Variants in KCNS3 observed in about 807,000 individuals in gnomAD.
KCNS3 encodes potassium voltage-gated channel modifier subfamily S member 3.
Under a neutral mutation model 31.0 loss-of-function variants are expected in KCNS3, and 13 were observed. The observed-to-expected ratio is 0.42, with a 90% CI of 0.27 to 0.67. The LOEUF is 0.67. KCNS3 is among the 30% of genes least tolerant of loss of function. KCNS3 has a pLI of 0.25. For synonymous variants in KCNS3, 238 were observed against 241.5 expected (o/e 0.99, Z 0.13); for missense variants, 545 against 622.4 (o/e 0.88, Z 1.32).
chr2:17,882,181 A>G (rs1355830778), intron 1 of KCNS3, among the ~76,000 whole-genome samples: 1 of 152,188 alleles, frequency 6.6e-6, no homozygotes, highest in Non-Finnish European at 1.5e-5. Flanking sequence ...TTGAACTTAT[A>G]GTGGATCTGG....
chr2:17,917,042 T>G lies in KCNS3; in HGVS notation c.-251-638T>G, dbSNP rs78197279. 3.9e-5 allele frequency among the ~76,000 whole-genome samples: 6 copies of G among 152,274 alleles called. No homozygotes were observed. The East Asian group carries it at 1.2e-3, about 29-fold the overall frequency. On this transcript the variant is annotated intron_variant, in intron 1 of 2. Transcript: ENST00000304101. ...TTAAAATTTATTCAGAGAGAGAAAC[T>G]GAAATTTGGCTTTTTATTTGTTGTG... is the stretch of plus-strand genomic sequence containing the variant.
chr2:17,925,361 A>G (rs533542681), intron 2 of KCNS3, among the ~76,000 whole-genome samples: 1 of 152,336 alleles, frequency 6.6e-6, no homozygotes, highest in South Asian at 2.1e-4. Flanking sequence ...TGGAGGCTTC[A>G]TCTGCATGAT....
chr2:17,912,224 T>C (rs1303892427), intron 1 of KCNS3, among the ~76,000 whole-genome samples: 5 of 152,244 alleles, frequency 3.3e-5, no homozygotes, highest in African/African-American at 7.2e-5. Flanking sequence ...TGATACACAT[T>C]GCTATGATGT....
At chr2:17,908,223 C>T (rs1413596698) in intron 1 of KCNS3, among the ~76,000 whole-genome samples, 1 of 152,240 alleles carries the variant, frequency 6.6e-6, no homozygotes, top group African/African-American at 2.4e-5. Flanking sequence ...TCTTCAATCA[C>T]TGATACCCTT....
rs1393659676 is a variant in KCNS3 at position 17,904,374 on chromosome 2, A to G, written c.-251-13306A>G. Among the ~76,000 whole-genome samples, 14 of 152,170 alleles carry G rather than the reference A, an allele frequency of 9.2e-5. No homozygotes were observed. In the East Asian group the frequency reaches 2.3e-3, roughly 25 times the overall value. On this transcript the variant is annotated intron_variant, in intron 1 of 2. Coordinates refer to ENST00000304101, the MANE Select transcript of KCNS3 (RefSeq NM_002252.5). ...CTGGATATTAGCCCTTTGTCAGATG[A>G]GTAGATTGCAAAAATGTTCTCCCAT...
At chr2:17,884,268 A>AATATATATATATATATAT (rs1227638443) in intron 1 of KCNS3, among the ~76,000 whole-genome samples, 16 of 46,646 alleles carry the variant, frequency 3.4e-4, no homozygotes, top group Non-Finnish European at 4.4e-4. Flanking sequence ...AAAAAAAAAA[A>AATATATATATATATATAT]ATATATATAT....
At chr2:17,911,776 G>A (rs539046404) in intron 1 of KCNS3, among the ~76,000 whole-genome samples, 2 of 152,344 alleles carry the variant, frequency 1.3e-5, no homozygotes, top group African/African-American at 4.8e-5. Flanking sequence ...CTAAGAGAAT[G>A]GCTTTGAAGA....
chr2:17,916,784 A>T (rs184045024), intron 1 of KCNS3, among the ~76,000 whole-genome samples: 1 of 151,936 alleles, frequency 6.6e-6, no homozygotes, highest in East Asian at 1.9e-4. Context: ...GCAGATCATA[A>T]ACCACAGTGA....
At chr2:17,915,084 G>C (rs1662557685) in intron 1 of KCNS3, among the ~76,000 whole-genome samples, 1 of 152,162 alleles carries the variant, frequency 6.6e-6, no homozygotes, top group African/African-American at 2.4e-5. Flanking sequence ...GCAGTCATTT[G>C]TTCACTTTTG....
At chr2:17,890,021 T>A (rs1258870932) in intron 1 of KCNS3, among the ~76,000 whole-genome samples, 1 of 152,224 alleles carries the variant, frequency 6.6e-6, no homozygotes, top group East Asian at 1.9e-4. Flanking sequence ...TCTTTGAATG[T>A]CTGGTAGAAT....
upstream of KCNS3, chr2:17,878,195 C>A (rs1410414528): frequency 6.6e-6 from 1 of 152,198 alleles, no homozygotes; most frequent in Non-Finnish European, 1.5e-5. Context: ...CTCGCGATTT[C>A]CTGAGGAAAT....
chr2:17,902,832 A>G (rs946844933), intron 1 of KCNS3, among the ~76,000 whole-genome samples: 3 of 152,224 alleles, frequency 2.0e-5, no homozygotes, highest in Non-Finnish European at 4.4e-5. Context: ...TTCTATTACA[A>G]TCTGGGTTAG....
At chr2:17,896,760 A>G (rs1662039404) in intron 1 of KCNS3, among the ~76,000 whole-genome samples, 1 of 152,202 alleles carries the variant, frequency 6.6e-6, no homozygotes, top group Non-Finnish European at 1.5e-5. Flanking sequence ...GTATGGGCTC[A>G]GCCAGTCTGA....
intron 1 of KCNS3, among the ~76,000 whole-genome samples, chr2:17,913,188 T>A (rs1572495710): frequency 6.6e-6 from 1 of 152,196 alleles, no homozygotes; most frequent in Non-Finnish European, 1.5e-5. Flanking sequence ...AGAGGTAGGG[T>A]TGGATTTCAC....
At chr2:17,910,985 T>C (rs1348947981) in intron 1 of KCNS3, among the ~76,000 whole-genome samples, 4 of 152,210 alleles carry the variant, frequency 2.6e-5, no homozygotes, top group Non-Finnish European at 4.4e-5. Flanking sequence ...TGCTTTTGTA[T>C]GTGTTCTTTT....
At chr2:17,899,451 A>G (rs1662113447) in intron 1 of KCNS3, among the ~76,000 whole-genome samples, 1 of 152,132 alleles carries the variant, frequency 6.6e-6, no homozygotes, top group Non-Finnish European at 1.5e-5. Context: ...CTATTTATCA[A>G]CAGATGAAGA....
chr2:17,920,802 G>T (rs2125250380), intron 2 of KCNS3, among the ~76,000 whole-genome samples: 1 of 152,316 alleles, frequency 6.6e-6, no homozygotes, highest in Admixed American at 6.5e-5. Context: ...TGTGTCTTCA[G>T]CATGTGAATG....
At chr2:17,892,989 G>A (rs1439009210) in intron 1 of KCNS3, among the ~76,000 whole-genome samples, 6 of 152,186 alleles carry the variant, frequency 3.9e-5, no homozygotes, top group Non-Finnish European at 8.8e-5. Context: ...GAACTCTCAA[G>A]ATTATATGCC....
At chr2:17,926,013 G>T (rs1479598360) in intron 2 of KCNS3, among the ~76,000 whole-genome samples, 1 of 152,204 alleles carries the variant, frequency 6.6e-6, no homozygotes, top group Non-Finnish European at 1.5e-5. Context: ...TACAGGCATT[G>T]GATAAATGCT....
Sources: allele counts gnomAD v4.1 joint callset (sites outside exome capture counted in the v4.1 genomes callset), GRCh38; gene constraint gnomAD v4.1.1; transcripts MANE v1.5; gene names NCBI Gene and HGNC (gene_info 2026-07-23, HGNC 2026-07-21).